Variants in MROH1 observed in about 807,000 individuals in gnomAD.
MROH1 encodes maestro heat like repeat family member 1.
Under a neutral mutation model 116.5 loss-of-function variants are expected in MROH1, and 117 were observed. That is an observed-to-expected ratio of 1.00 (90% CI 0.86 to 1.17). The LOEUF (loss-of-function observed/expected upper bound fraction) is 1.17. MROH1 is among the 50% of genes most tolerant of loss of function. MROH1 has a pLI of 0.00. For missense variants in MROH1, 1,873 were observed against 1,338.5 expected (o/e 1.40, Z -6.23); for synonymous variants, 921 against 583.9 (o/e 1.58, Z -8.32).
intron 12 of MROH1, among the ~76,000 whole-genome samples, chr8:144,211,924 C>G (rs1310961440): frequency 6.6e-6 from 1 of 152,118 alleles, no homozygotes; most frequent in East Asian, 1.9e-4. Context: ...CAAGCGGCAG[C>G]CTCTTGAGAT....
chr8:144,248,829 T>A, intron 31 of MROH1, 48 bp from the exon 32 acceptor site: 1 of 767,774 alleles, frequency 1.3e-6, no homozygotes, highest in Admixed American at 1.7e-5. Flanking sequence ...AGAAGTGGCG[T>A]TGGGGGTGCC....
At chr8:144,236,401 G>A (rs1840044414) in intron 14 of MROH1, among the ~76,000 whole-genome samples, 1 of 152,126 alleles carries the variant, frequency 6.6e-6, no homozygotes, top group African/African-American at 2.4e-5. Flanking sequence ...GTAGTTTGTA[G>A]GGAGATCTTT....
At chr8:144,203,391 C>T (rs1832085105) in intron 12 of MROH1, among the ~76,000 whole-genome samples, 2 of 137,884 alleles carry the variant, frequency 1.5e-5, no homozygotes, top group South Asian at 4.7e-4. Flanking sequence ...GTGGAGTACT[C>T]TGTAGAGGGT....
intron 14 of MROH1, among the ~76,000 whole-genome samples, chr8:144,226,546 A>C (rs1837861375): frequency 1.3e-5 from 2 of 151,538 alleles, no homozygotes; most frequent in South Asian, 4.2e-4. Context: ...TCCACCTCCC[A>C]GGTTCAAGCA....
intron 3 of MROH1, among the ~76,000 whole-genome samples, chr8:144,164,256 T>G (rs997486801): frequency 6.6e-6 from 1 of 151,524 alleles, no homozygotes; most frequent in African/African-American, 2.4e-5. Flanking sequence ...AATACAAAAA[T>G]TAGCCAGGTG....
intron 14 of MROH1, among the ~76,000 whole-genome samples, chr8:144,232,819 T>C (rs1437154784): frequency 6.7e-6 from 1 of 150,058 alleles, no homozygotes; most frequent in Non-Finnish European, 1.5e-5. Flanking sequence ...TATTTATTTA[T>C]TTATTTATTT....
At chr8:144,229,296 T>A (rs768846490) in intron 14 of MROH1, among the ~76,000 whole-genome samples, 7 of 152,146 alleles carry the variant, frequency 4.6e-5, no homozygotes, top group Non-Finnish European at 7.4e-5. Context: ...TAGTGAATCC[T>A]TCCCAGAAGG....
intron 12 of MROH1, among the ~76,000 whole-genome samples, chr8:144,210,975 G>T (rs1034354642): frequency 1.3e-5 from 2 of 152,130 alleles, no homozygotes; most frequent in Non-Finnish European, 2.9e-5. Flanking sequence ...CTCCGTGCCT[G>T]TGAAACAGCA....
chr8:144,200,371 T>G, intron 11 of MROH1, 57 bp from the exon 12 acceptor site: 1 of 1,345,530 alleles, frequency 7.4e-7, no homozygotes, highest in Non-Finnish European at 1.0e-6. Flanking sequence ...AGGTGGACGC[T>G]GTGTATAGGG....
At chr8:144,220,442 A>C (rs895728326) in intron 12 of MROH1, among the ~76,000 whole-genome samples, 158 bp from the exon 13 acceptor site, 4 of 152,176 alleles carry the variant, frequency 2.6e-5, no homozygotes, top group Admixed American at 2.0e-4. Context: ...GAGGAAAGTA[A>C]ATCATTTGTC....
At chr8:144,226,800 G>T (rs1054170203) in intron 14 of MROH1, among the ~76,000 whole-genome samples, 22 of 152,104 alleles carry the variant, frequency 1.4e-4, no homozygotes, top group African/African-American at 5.3e-4. Context: ...TTCCATCTTT[G>T]GTCTTTTTCG....
At chr8:144,202,045 G>A (rs965775800) in intron 12 of MROH1, among the ~76,000 whole-genome samples, 3 of 151,560 alleles carry the variant, frequency 2.0e-5, no homozygotes, top group Non-Finnish European at 4.4e-5. Context: ...AGAGAAAGCA[G>A]CAGGGCCAAG....
At chr8:144,185,076 C>G (rs918104344) in intron 7 of MROH1, among the ~76,000 whole-genome samples, 1 of 152,178 alleles carries the variant, frequency 6.6e-6, no homozygotes, top group African/African-American at 2.4e-5. Context: ...TTTTCTCTGT[C>G]GGGGAGGGAA....
intron 14 of MROH1, among the ~76,000 whole-genome samples, chr8:144,235,467 C>T (rs1839897131): frequency 6.6e-6 from 1 of 152,128 alleles, no homozygotes; most frequent in African/African-American, 2.4e-5. Context: ...AGGCCGGTAC[C>T]ATCAGGTATG....
chr8:144,184,304 C>T (rs10866905), intron 7 of MROH1, among the ~76,000 whole-genome samples: 150,352 of 152,258 alleles, frequency 0.99, 74,260 homozygotes, highest in East Asian at 1. Context: ...GGGGTGTGGC[C>T]GTGGGAAGCA....
intron 12 of MROH1, among the ~76,000 whole-genome samples, chr8:144,201,828 C>T (rs1191121769): frequency 1.3e-5 from 2 of 151,984 alleles, no homozygotes; most frequent in East Asian, 3.9e-4. Context: ...GGCTGGCCAA[C>T]ATGGTGAAAC....
chr8:144,200,733 G>A (rs958513974), intron 12 of MROH1, 192 bp downstream of exon 12: 20 of 574,322 alleles, frequency 3.5e-5, no homozygotes, highest in Middle Eastern at 4.6e-4. Context: ...TCTACCCTTC[G>A]CCATATGATG....
intron 4 of MROH1, chr8:144,175,095 A>G (rs1587889043): frequency 1.0e-6 from 1 of 985,474 alleles, no homozygotes; most frequent in Non-Finnish European, 1.2e-6. Flanking sequence ...ATGTGTTTCC[A>G]AGATCAAGAA....
chr8:144,239,377 T>A lies in MROH1; in HGVS notation c.1632+14T>A, dbSNP rs1840593300. 2.6e-6 allele frequency: 2 copies of A among 780,462 alleles called. No homozygotes were observed. Among genetic ancestry groups the A allele is most frequent in the Non-Finnish European group, 4.8e-6 (2 of 417,852 alleles). 48.3% of individuals were successfully genotyped at this position (780,462 alleles called of 1,614,324 possible). A position where few individuals can be genotyped will look rare whatever the true frequency, so the allele number is the denominator to read the frequency against. On this transcript the variant is annotated intron_variant, in intron 17 of 43. Coordinates refer to ENST00000326134, the MANE Select transcript of MROH1 (RefSeq NM_032450.3). ...GGAAGACTGTTGGTGAGCCTCGCCC[T>A]TTCACAGCGTGCCCAGCGCCCCACT...
Sources: gnomAD v4.1 joint callset for allele counts (sites outside exome capture counted in the v4.1 genomes callset) on GRCh38, gnomAD v4.1.1 for gene constraint, MANE v1.5 for transcripts, NCBI Gene and HGNC (gene_info 2026-07-23, HGNC 2026-07-21) for gene names.